PAH: variants seen among roughly 807,000 people sequenced by gnomAD.
PAH encodes the protein phenylalanine-4-hydroxylase.
PAH carries 64 observed loss-of-function variants against 62.0 expected under a neutral mutation model. The ratio of observed to expected loss-of-function variants is 1.03; its 90% confidence interval spans 0.84 to 1.27. The LOEUF (loss-of-function observed/expected upper bound fraction) is 1.27, where lower values mean the gene tolerates loss of function less well. Among genes scored for constraint, PAH ranks in the 50% most tolerant of loss-of-function variants. PAH has a pLI of 0.00. For missense variants in PAH, 579 were observed against 542.8 expected (o/e 1.07, Z -0.66); for synonymous variants, 195 against 196.2 (o/e 0.99, Z 0.05).
In PAH at chr12:102,852,903, G is replaced by T. The variant is rs5030847; in HGVS notation, c.754C>A (p.Arg252=). 1.2e-6 allele frequency: 2 copies of T among 1,613,990 alleles called. No homozygotes were observed. Among genetic ancestry groups the T allele is most frequent in the South Asian group, 1.1e-5 (1 of 91,088 alleles). ...LRPVAGLLSS[R]DFLGGLAFRV... is the part of the protein sequence containing the mutation. ...AAGGCCAGGCCACCCAAGAAATCCC[G>T]AGAGGAAAGCAGGCCAGCCACAGGT... The change falls in exon 7 of 13, where the codon CGG becomes AGG. Residue 252 remains arginine (R), a synonymous_variant. Coordinates refer to ENST00000553106, the MANE Select transcript of PAH (RefSeq NM_000277.3).
chr12:102,907,581 C>T (rs912519404), intron 2 of PAH, among the ~76,000 whole-genome samples: 8 of 151,894 alleles, frequency 5.3e-5, no homozygotes, highest in African/African-American at 9.7e-5. Flanking sequence ...TCTCTCTTAA[C>T]GTAGCATCTT....
intron 1 of PAH, among the ~76,000 whole-genome samples, chr12:102,922,936 C>T (rs551865145): frequency 2.0e-5 from 3 of 152,252 alleles, no homozygotes; most frequent in East Asian, 3.9e-4. Flanking sequence ...GGACTGTCTC[C>T]GTTAAACGGT....
At chr12:102,932,262 C>A (rs954819173) in intron 1 of PAH, among the ~76,000 whole-genome samples, 2 of 152,212 alleles carry the variant, frequency 1.3e-5, no homozygotes, top group Non-Finnish European at 2.9e-5. Context: ...CCACTGTGCC[C>A]TTCTTATACT....
At chr12:102,854,893 GGTA>G in intron 6 of PAH, 1 of 575,516 alleles carries the variant, frequency 1.7e-6, no homozygotes, top group Non-Finnish European at 3.1e-6. Flanking sequence ...TTCAGGGACA[GGTA>G]CACGGCAAAA....
rs529362027 is a variant in PAH, at chr12:102,842,923, C to T, written c.1199+723G>A. Among the ~76,000 whole-genome samples, 3 of 152,272 alleles carry T rather than the reference C, an allele frequency of 2.0e-5. No individual in the cohort carries two copies. The South Asian group carries it at 6.2e-4, about 32-fold the overall frequency. ...AACATACAGTGAGTATTAGGATATT[C>T]ATGTCCAGGTGGACCCTCTGCCCAG... On this transcript the variant is annotated intron_variant, in intron 11 of 12. Transcript: ENST00000553106.
chr12:102,898,120 A>G (rs2136706717), intron 2 of PAH, among the ~76,000 whole-genome samples: 1 of 152,362 alleles, frequency 6.6e-6, no homozygotes, highest in East Asian at 1.9e-4. Context: ...AGCACTTGCT[A>G]AGCATGGAAG....
At chr12:102,947,392 T>G (rs372183340) in intron 1 of PAH, among the ~76,000 whole-genome samples, 274 of 152,300 alleles carry the variant, frequency 1.8e-3, no homozygotes, top group African/African-American at 6.4e-3. Flanking sequence ...TATGTTGCCC[T>G]TGATACATCC....
rs567954352 is a variant in PAH, at chr12:102,888,157, C to T, written c.352+6578G>A. Among the ~76,000 whole-genome samples the T allele has an allele frequency of 1.2e-4, 18 of 152,164 alleles. No individual in the cohort carries two copies. The South Asian group carries it at 1.5e-3, about 12-fold the overall frequency. The stretch of plus-strand genomic sequence containing the variant: ...TGTAACCTTTTGCATGGGCCCTACA[C>T]GCTAGGCACTTTATGCAAATTATAT... On this transcript the variant is annotated intron_variant, in intron 3 of 12. Coordinates refer to ENST00000553106, the MANE Select transcript of PAH (RefSeq NM_000277.3).
intron 6 of PAH, 75 bp from the exon 7 acceptor site, chr12:102,853,025 T>C: frequency 6.5e-7 from 1 of 1,530,784 alleles, no homozygotes; most frequent in Non-Finnish European, 9.0e-7. Flanking sequence ...CTTTAGGTAG[T>C]GGAGTAGTAC....
intron 3 of PAH, among the ~76,000 whole-genome samples, chr12:102,891,209 C>T (rs1877261611): frequency 6.6e-6 from 1 of 152,230 alleles, no homozygotes; most frequent in Non-Finnish European, 1.5e-5. Context: ...CTCTATTCTA[C>T]TTACCTGGGT....
intron 2 of PAH, among the ~76,000 whole-genome samples, chr12:102,903,878 T>A (rs1447552193): frequency 6.6e-6 from 1 of 152,160 alleles, no homozygotes; most frequent in Non-Finnish European, 1.5e-5. Flanking sequence ...GTGAACAGTG[T>A]ACTTCCCCCA....
chr12:102,894,278 TG>T (rs1256410644), intron 3 of PAH, among the ~76,000 whole-genome samples: 7 of 152,146 alleles, frequency 4.6e-5, no homozygotes, highest in African/African-American at 1.7e-4. Flanking sequence ...GCTGATTACC[TG>T]GGTGACAAAA....
intron 5 of PAH, among the ~76,000 whole-genome samples, chr12:102,866,311 A>G (rs1349608184): frequency 6.6e-6 from 1 of 152,196 alleles, no homozygotes; most frequent in Non-Finnish European, 1.5e-5. Context: ...ATTACTGCAG[A>G]CACCACTGCG....
chr12:102,925,812 A>G (rs1476057448), intron 1 of PAH, among the ~76,000 whole-genome samples: 2 of 152,136 alleles, frequency 1.3e-5, no homozygotes, highest in African/African-American at 4.8e-5. Context: ...CTATTCCAGG[A>G]ATTCTTAGCA....
chr12:102,938,070 C>A lies in PAH; in HGVS notation c.-96+12519G>T, dbSNP rs1189786179. On this transcript the variant is annotated intron_variant, in intron 1 of 3. Coordinates refer to the PAH transcript ENST00000546844. ...TAAACACTATAAATTTTCCTTAGTA[C>A]TGCTCTTCGACAAGATTGTCCAGGA... 2.6e-5 allele frequency among the ~76,000 whole-genome samples: 4 copies of A among 152,304 alleles called. No individual in the cohort carries two copies. The South Asian group carries it at 6.2e-4, about 24-fold the overall frequency.
chr12:102,905,962 T>G (rs1470353824), intron 2 of PAH, among the ~76,000 whole-genome samples: 2 of 152,028 alleles, frequency 1.3e-5, no homozygotes, highest in African/African-American at 4.8e-5. Flanking sequence ...TGAGAAAGAC[T>G]GGGAGAAAAT....
chr12:102,872,259 A>G (rs931556135), intron 4 of PAH, among the ~76,000 whole-genome samples: 3 of 152,238 alleles, frequency 2.0e-5, no homozygotes, highest in Admixed American at 1.3e-4. Context: ...TTGTGCATCC[A>G]TCTTTGTGAC....
rs1875270892 is a variant in PAH at position 102,853,495 on chromosome 12, G to A, written c.707-545C>T. ...GAATATTGTCAATTTAACTCTTTCT[G>A]TACTGCTCTTTCTCTCTTGATTGTT... On this transcript the variant is annotated intron_variant, in intron 6 of 12. Coordinates refer to ENST00000553106, the MANE Select transcript of PAH (RefSeq NM_000277.3). 2.7e-5 allele frequency: 5 copies of A among 186,154 alleles called. No homozygotes were observed. In the South Asian group the frequency reaches 5.8e-4, roughly 22 times the overall value. 11.5% of individuals were successfully genotyped at this position (186,154 alleles called of 1,614,324 possible). A position where few individuals can be genotyped will look rare whatever the true frequency, so the allele number is the denominator to read the frequency against.
rs904380268 is a variant in PAH, at chr12:102,881,532, A to G, written c.353-3982T>C. 3.3e-5 allele frequency among the ~76,000 whole-genome samples: 5 copies of G among 152,158 alleles called. No homozygotes were observed. The East Asian group carries it at 5.8e-4, about 18-fold the overall frequency. On this transcript the variant is annotated intron_variant, in intron 3 of 12. Transcript: ENST00000553106. Reference sequence around the variant, plus strand: ...AGTACACAGTAAAGTGTGATTAACAATAGTCACCATGCAGTACATTTGACC... The same window carrying G: ...AGTACACAGTAAAGTGTGATTAACAGTAGTCACCATGCAGTACATTTGACC...
Sources: gnomAD v4.1 joint callset for allele counts (sites outside exome capture counted in the v4.1 genomes callset) on GRCh38, gnomAD v4.1.1 for gene constraint, MANE v1.5 for transcripts, NCBI Gene and HGNC (gene_info 2026-07-23, HGNC 2026-07-21) for gene names.